ACVR2A: variants seen among roughly 807,000 people sequenced by gnomAD.
ACVR2A encodes the protein activin receptor type-2A.
A neutral mutation model predicts 61.4 loss-of-function variants in ACVR2A; 7 were observed. That is an observed-to-expected ratio of 0.11 (90% CI 0.06 to 0.21). ACVR2A has a LOEUF of 0.21. Ranked by LOEUF, ACVR2A falls within the 10% of genes least tolerant of loss-of-function variation. The probability of loss-of-function intolerance (pLI) is 1.00; values close to 1 mark genes in which losing one functional copy is unlikely to be tolerated. For missense variants in ACVR2A, 322 were observed against 621.7 expected, an observed-to-expected ratio of 0.52 and a Z score of 5.13; for synonymous variants, 193 against 208.3, an observed-to-expected ratio of 0.93 and a Z score of 0.63.
chr2:147,866,296 C>T (rs1009079976), intron 1 of ACVR2A, among the ~76,000 whole-genome samples: 8 of 152,154 alleles, frequency 5.3e-5, no homozygotes, highest in African/African-American at 9.7e-5. Flanking sequence ...CCGTAGCCAC[C>T]ATGATAGATT....
chr2:147,913,343 T>G (rs1038386092), intron 4 of ACVR2A, among the ~76,000 whole-genome samples: 4 of 151,958 alleles, frequency 2.6e-5, no homozygotes, highest in Non-Finnish European at 5.9e-5. Flanking sequence ...CTGTATTCCC[T>G]CTACCTAGTT....
rs1241543071 is a variant in ACVR2A at position 147,920,274 on chromosome 2, C to A, written c.1007C>A (p.Ala336Asp). 6.2e-7 allele frequency: 1 copy of A among 1,613,474 alleles called. No individual in the cohort carries two copies. Among genetic ancestry groups the A allele is most frequent in the African/African-American group, 1.3e-5 (1 of 74,890 alleles). ...KNVLLKNNLTACIADFGLALK... is the reference protein window; with the variant it reads ...KNVLLKNNLTDCIADFGLALK... Reference sequence around the variant, plus strand: ...GTGCTGTTGAAAAACAACCTGACAGCTTGCATTGCTGACTTTGGGTTGGCC... The same window carrying A: ...GTGCTGTTGAAAAACAACCTGACAGATTGCATTGCTGACTTTGGGTTGGCC... The change falls in exon 8 of 11, where the codon GCT becomes GAT. Residue 336 changes from alanine (A) to aspartate (D), a missense_variant. Ala to Asp is a moderately radical substitution (Grantham distance 126, BLOSUM62 -2). Coordinates refer to ENST00000241416, the MANE Select transcript of ACVR2A (RefSeq NM_001616.5).
intron 1 of ACVR2A, among the ~76,000 whole-genome samples, chr2:147,858,348 C>T (rs796464326): frequency 1.8e-4 from 27 of 152,050 alleles, no homozygotes; most frequent in African/African-American, 5.8e-4. Flanking sequence ...CCTGATGGGT[C>T]GACATTTATC....
At chr2:147,898,491 T>A (rs1283114660) in intron 2 of ACVR2A, among the ~76,000 whole-genome samples, 1 of 152,110 alleles carries the variant, frequency 6.6e-6, no homozygotes, top group Non-Finnish European at 1.5e-5. Context: ...GCCAAATAGA[T>A]GTTGATGTTG....
intron 1 of ACVR2A, among the ~76,000 whole-genome samples, chr2:147,872,992 A>G (rs1227460498): frequency 6.6e-6 from 1 of 151,944 alleles, no homozygotes; most frequent in Admixed American, 6.6e-5. Context: ...TGACACTTGT[A>G]TTGGAGACAT....
chr2:147,854,346 T>G (rs566526129), intron 1 of ACVR2A, among the ~76,000 whole-genome samples: 28 of 152,340 alleles, frequency 1.8e-4, no homozygotes, highest in African/African-American at 6.5e-4. Flanking sequence ...CTTTTTTTCT[T>G]GGACAACTTC....
intron 1 of ACVR2A, among the ~76,000 whole-genome samples, chr2:147,863,410 C>A (rs1685774981): frequency 6.6e-6 from 1 of 152,044 alleles, no homozygotes. Context: ...GTATTGACAC[C>A]CTGTGAGGTT....
In ACVR2A at chr2:147,896,490, A is replaced by G; in HGVS notation, c.245A>G (p.Asp82Gly). Residue 82 changes from aspartate (D) to glycine (G), a missense_variant, in exon 2 of 11, where the codon GAT becomes GGT. By Grantham distance (94) the Asp-to-Gly change is moderately conservative (BLOSUM62 -1). Around this residue, in one of 3 missense-constraint regions of ACVR2A, gnomAD observed 142 missense variants for 200.3 expected, o/e 0.71. Transcript: ENST00000241416. ...GTGAAACAAGGTTGTTGGCTGGATG[A>G]TATCAACTGCTATGACAGGTAAGAA... ...EIVKQGCWLDDINCYDRTDCV... is the reference protein window; with the variant it reads ...EIVKQGCWLDGINCYDRTDCV... 1 of 1,613,974 alleles carries G rather than the reference A, an allele frequency of 6.2e-7. No homozygotes were observed.
chr2:147,911,007 G>A (rs1470192147), intron 4 of ACVR2A, among the ~76,000 whole-genome samples: 3 of 152,090 alleles, frequency 2.0e-5, no homozygotes, highest in Non-Finnish European at 2.9e-5. Context: ...AGGGAAGTGA[G>A]GCAGTTCAGG....
rs565478896 is a variant in ACVR2A, at chr2:147,926,234, C to T, written c.1347+73C>T. 1.4e-5 allele frequency: 22 copies of T among 1,517,778 alleles called. No individual in the cohort carries two copies. In the Admixed American group the frequency reaches 2.7e-4, roughly 19 times the overall value. 94.0% of individuals were successfully genotyped at this position (1,517,778 alleles called of 1,614,324 possible). A position where few individuals can be genotyped will look rare whatever the true frequency, so the allele number is the denominator to read the frequency against. ...TTCAGAGGAATTATTTATCTCTGCA[C>T]ATTTCTCTTTCTTCTGCAAGTATTT... is the stretch of plus-strand genomic sequence containing the variant. On this transcript the variant is annotated intron_variant, in intron 10 of 10. Transcript: ENST00000241416.
intron 1 of ACVR2A, among the ~76,000 whole-genome samples, chr2:147,887,865 AAGG>A (rs1235375675): frequency 1.3e-5 from 2 of 152,196 alleles, no homozygotes; most frequent in Admixed American, 6.5e-5. Flanking sequence ...ACTTTGGGAG[AAGG>A]AGGAGTCCTG....
At chr2:147,914,190 T>G (rs1422198568) in intron 4 of ACVR2A, among the ~76,000 whole-genome samples, 2 of 151,964 alleles carry the variant, frequency 1.3e-5, no homozygotes, top group African/African-American at 4.8e-5. Context: ...AGTGTCATCA[T>G]ATCAGTTGCT....
At chr2:147,915,451 G>A in intron 5 of ACVR2A, 117 bp downstream of exon 5, 2 of 1,173,422 alleles carry the variant, frequency 1.7e-6, no homozygotes, top group South Asian at 1.4e-5. Flanking sequence ...TGTGATACTG[G>A]GGAAAGCAGT....
intron 4 of ACVR2A, chr2:147,900,617 C>T (rs777317832): frequency 2.0e-5 from 3 of 152,076 alleles, no homozygotes; most frequent in East Asian, 3.9e-4. Flanking sequence ...CATGTAGACA[C>T]TTTGTGCAGG....
intron 10 of ACVR2A, 42 bp downstream of exon 10, chr2:147,926,203 A>G (rs376543057): frequency 1.4e-5 from 22 of 1,587,692 alleles, no homozygotes; most frequent in Non-Finnish European, 1.9e-5. Context: ...TTCCAATAAA[A>G]CACTTTTCAG....
intron 1 of ACVR2A, among the ~76,000 whole-genome samples, chr2:147,884,880 A>C (rs555807716): frequency 1.3e-5 from 2 of 152,128 alleles, no homozygotes; most frequent in African/African-American, 4.8e-5. Flanking sequence ...TACTACCTCT[A>C]TTCTTTTGAT....
At position 147,888,590 on chromosome 2, in the gene ACVR2A, A is replaced by G. The variant is rs73020026; in HGVS notation, c.56-7711A>G. ...TAGTTTCACTTGTTCATTGTCACCAAATAGAAATGCAATTGATTTTTGTGT... is the reference window on the plus strand; with the variant it reads ...TAGTTTCACTTGTTCATTGTCACCAGATAGAAATGCAATTGATTTTTGTGT... On this transcript the variant is annotated intron_variant, in intron 1 of 10. Coordinates refer to ENST00000241416, the MANE Select transcript of ACVR2A (RefSeq NM_001616.5). Among the ~76,000 whole-genome samples, 422 of 151,956 alleles carry G rather than the reference A, an allele frequency of 2.8e-3. 1 individual carries two copies. The highest frequency in any genetic ancestry group is 8.9e-3 in the African/African-American group (370 of 41,466).
At chr2:147,926,653 T>C (rs903934302) in intron 10 of ACVR2A, among the ~76,000 whole-genome samples, 14 of 151,908 alleles carry the variant, frequency 9.2e-5, no homozygotes, top group African/African-American at 2.7e-4. Flanking sequence ...TCAGTCTAAA[T>C]ATAACTAGAA....
At chr2:147,884,810 T>C (rs1686389834) in intron 1 of ACVR2A, among the ~76,000 whole-genome samples, 1 of 152,146 alleles carries the variant, frequency 6.6e-6, no homozygotes, top group South Asian at 2.1e-4. Flanking sequence ...GTTAATATAG[T>C]GTCCTGAGTT....
Sources: allele counts gnomAD v4.1 joint callset (sites outside exome capture counted in the v4.1 genomes callset), GRCh38; gene constraint gnomAD v4.1.1; regional missense constraint gnomAD v4.1.1; transcripts MANE v1.5; gene names NCBI Gene and HGNC (gene_info 2026-07-23, HGNC 2026-07-21).